Variants in TAFA1 observed in about 807,000 individuals in gnomAD.
The protein encoded by TAFA1 is TAFA chemokine like family member 1, also known as chemokine-like protein TAFA-1.
TAFA1 carries 4 observed loss-of-function variants against 18.5 expected under a neutral mutation model. The ratio of observed to expected loss-of-function variants is 0.22; its 90% confidence interval spans 0.11 to 0.49. The LOEUF (loss-of-function observed/expected upper bound fraction) is 0.49, where lower values mean the gene tolerates loss of function less well. TAFA1 is among the 20% of genes least tolerant of loss of function. TAFA1 has a pLI of 0.98. For missense variants in TAFA1, 147 were observed against 169.0 expected, an observed-to-expected ratio of 0.87 and a Z score of 0.72; for synonymous variants, 56 against 55.2, an observed-to-expected ratio of 1.01 and a Z score of -0.06.
chr3:68,022,966 GTTT>G (rs752272309), intron 2 of TAFA1, among the ~76,000 whole-genome samples: 12 of 122,076 alleles, frequency 9.8e-5, no homozygotes, highest in Non-Finnish European at 1.7e-4. Context: ...AGTTACTCTT[GTTT>G]TTTTTTTTTT....
chr3:68,420,543 T>A (rs1410726683), intron 3 of TAFA1, among the ~76,000 whole-genome samples: 2 of 152,100 alleles, frequency 1.3e-5, no homozygotes, highest in African/African-American at 4.8e-5. Flanking sequence ...TTTTAAAGGA[T>A]GTTAAAAAGT....
chr3:68,065,599 C>T (rs1351663113), intron 2 of TAFA1, among the ~76,000 whole-genome samples: 1 of 151,862 alleles, frequency 6.6e-6, no homozygotes, highest in African/African-American at 2.4e-5. Context: ...CACAAGGGAG[C>T]CAGTGAAAGT....
At chr3:68,404,472 A>G (rs1044144974) in intron 2 of TAFA1, among the ~76,000 whole-genome samples, 7 of 152,134 alleles carry the variant, frequency 4.6e-5, no homozygotes, top group African/African-American at 1.7e-4. Flanking sequence ...TCTAACATCT[A>G]TGGAGTTGTG....
intron 3 of TAFA1, among the ~76,000 whole-genome samples, chr3:68,518,498 AT>A (rs2072962271): frequency 6.6e-6 from 1 of 152,216 alleles, no homozygotes; most frequent in Non-Finnish European, 1.5e-5. Context: ...AATATAACAT[AT>A]TTATATTTAA....
chr3:68,067,954 C>CA, intron 2 of TAFA1, among the ~76,000 whole-genome samples: 1 of 152,004 alleles, frequency 6.6e-6, no homozygotes, highest in Non-Finnish European at 1.5e-5. Flanking sequence ...AAACAAAAAA[C>CA]AAAAAACAAA....
intron 4 of TAFA1, 140 bp from the exon 5 acceptor site, chr3:68,544,346 A>T: frequency 2.7e-6 from 2 of 751,710 alleles, no homozygotes; most frequent in Non-Finnish European, 4.5e-6. Context: ...TCTAAACTTT[A>T]AGATTTTTGA....
intron 2 of TAFA1, among the ~76,000 whole-genome samples, chr3:68,270,481 G>A (rs538778760): frequency 2.6e-5 from 4 of 152,308 alleles, no homozygotes; most frequent in Admixed American, 2.6e-4. Context: ...TATGTAAAAT[G>A]TGAAGACTCA....
intron 2 of TAFA1, among the ~76,000 whole-genome samples, chr3:68,249,316 AG>A (rs1324986186): frequency 2.0e-5 from 3 of 152,124 alleles, no homozygotes; most frequent in Admixed American, 1.3e-4. Context: ...TACCATGTCA[AG>A]ATCACTTTGG....
At chr3:68,472,080 G>C (rs941669584) in intron 3 of TAFA1, among the ~76,000 whole-genome samples, 16 of 152,018 alleles carry the variant, frequency 1.1e-4, no homozygotes, top group African/African-American at 3.6e-4. Flanking sequence ...AGATTTGGGG[G>C]GGACCAGTGA....
intron 2 of TAFA1, among the ~76,000 whole-genome samples, chr3:68,073,264 G>A (rs1342704188): frequency 6.6e-6 from 1 of 152,172 alleles, no homozygotes; most frequent in Non-Finnish European, 1.5e-5. Context: ...GTTAGAGTTA[G>A]AGGCAACCTG....
intron 2 of TAFA1, among the ~76,000 whole-genome samples, chr3:68,172,813 A>T (rs192987829): frequency 6.6e-6 from 1 of 152,248 alleles, no homozygotes; most frequent in Admixed American, 6.5e-5. Flanking sequence ...AAAGTTCAGG[A>T]TGGGTAAATC....
In TAFA1 at chr3:68,428,379, C is replaced by T. The variant is rs75622825; in HGVS notation, c.259+10959C>T. Among the ~76,000 whole-genome samples, 318 of 152,022 alleles carry T rather than the reference C, an allele frequency of 2.1e-3. 4 individuals are homozygous for T. The highest frequency in any genetic ancestry group is 7.3e-3 in the African/African-American group (305 of 41,516). Reference sequence around the variant, plus strand: ...TAGCTGCCTTCAAGTGAAGACCATCCATTAACAGCAGCTAGATATTGCACA... The same window carrying T: ...TAGCTGCCTTCAAGTGAAGACCATCTATTAACAGCAGCTAGATATTGCACA... On this transcript the variant is annotated intron_variant, in intron 3 of 4. Transcript: ENST00000478136.
At chr3:68,391,298 G>T (rs2070237937) in intron 2 of TAFA1, among the ~76,000 whole-genome samples, 1 of 152,090 alleles carries the variant, frequency 6.6e-6, no homozygotes, top group African/African-American at 2.4e-5. Context: ...AAAGCATGAA[G>T]ACAAGATTAG....
intron 2 of TAFA1, among the ~76,000 whole-genome samples, chr3:68,368,577 ATT>A (rs56886643): frequency 0.64 from 96,178 of 150,630 alleles, 31,377 homozygotes; most frequent in East Asian, 0.99. Context: ...CCATCTTGAG[ATT>A]TTTTTTTTTT....
chr3:68,079,508 T>A (rs1422055226), intron 2 of TAFA1, among the ~76,000 whole-genome samples: 4 of 152,230 alleles, frequency 2.6e-5, no homozygotes, highest in Non-Finnish European at 5.9e-5. Context: ...TTCTGGTATG[T>A]TGTGTCTTTG....
chr3:68,435,178 G>C (rs999547051), intron 3 of TAFA1, among the ~76,000 whole-genome samples: 5 of 152,084 alleles, frequency 3.3e-5, no homozygotes, highest in Non-Finnish European at 7.4e-5. Flanking sequence ...TAAGTGACTA[G>C]GTAAGAGGAT....
At chr3:68,315,831 T>G (rs1261051117) in intron 2 of TAFA1, among the ~76,000 whole-genome samples, 1 of 152,212 alleles carries the variant, frequency 6.6e-6, no homozygotes, top group Non-Finnish European at 1.5e-5. Flanking sequence ...TGGAAAAGGC[T>G]AAACATATGC....
At chr3:68,137,982 TA>T (rs71112616) in intron 2 of TAFA1, among the ~76,000 whole-genome samples, 94,130 of 147,848 alleles carry the variant, frequency 0.64, 30,286 homozygotes, top group South Asian at 0.75. Flanking sequence ...CGCTACTATT[TA>T]AAAAAAAAAA....
intron 3 of TAFA1, among the ~76,000 whole-genome samples, chr3:68,534,282 T>C (rs1187211636): frequency 4.6e-5 from 7 of 152,190 alleles, no homozygotes; most frequent in Admixed American, 4.6e-4. Flanking sequence ...CAGGACCACC[T>C]TTGCTAGCCA....
Sources: gnomAD v4.1 joint callset for allele counts (sites outside exome capture counted in the v4.1 genomes callset) on GRCh38, gnomAD v4.1.1 for gene constraint, MANE v1.5 for transcripts, NCBI Gene and HGNC (gene_info 2026-07-23, HGNC 2026-07-21) for gene names.